The following KIAA0408 variants were observed in gnomAD, a reference collection of about 807,000 sequenced individuals.
The protein encoded by KIAA0408 is KIAA0408.
Under a neutral mutation model 60.9 loss-of-function variants are expected in KIAA0408, and 51 were observed. That is an observed-to-expected ratio of 0.84 (90% CI 0.67 to 1.06). KIAA0408 has a LOEUF of 1.06. KIAA0408 is among the 50% of genes least tolerant of loss of function. KIAA0408 has a pLI of 0.00. For synonymous variants in KIAA0408, 304 were observed against 282.4 expected (o/e 1.08, Z -0.77); for missense variants, 787 against 833.9 (o/e 0.94, Z 0.69).
chr6:127,454,364 A>T (rs1294229419), intron 1 of KIAA0408: 3 of 162,348 alleles, frequency 1.8e-5, no homozygotes, highest in Non-Finnish European at 4.0e-5. Flanking sequence ...AGATGTAATC[A>T]TCCCTTTAAC....
At chr6:127,454,211 A>G (rs1773351581) in intron 1 of KIAA0408, 110 bp from the exon 2 acceptor site, 7 of 1,070,032 alleles carry the variant, frequency 6.5e-6, no homozygotes, top group Non-Finnish European at 5.9e-6. Flanking sequence ...AATTGGACTC[A>G]AAAGAAAAGA....
At chr6:127,454,957 C>T (rs761203796) in intron 1 of KIAA0408, among the ~76,000 whole-genome samples, 10 of 151,958 alleles carry the variant, frequency 6.6e-5, no homozygotes, top group Non-Finnish European at 1.5e-4. Flanking sequence ...AGCTATGTAA[C>T]TGGTATAAGT....
In KIAA0408 at chr6:127,444,230, C is replaced by CT. The variant is rs1171735271; in HGVS notation, c.1963dup (p.Arg655LysfsTer79). The CT allele has an allele frequency of 1.9e-6, 3 of 1,611,776 alleles. No individual in the cohort carries two copies. In the African/African-American group the frequency reaches 4.0e-5, roughly 22 times the overall value. On this transcript the variant is annotated frameshift_variant, in exon 6 of 6. Transcript: ENST00000483725. LOFTEE classifies it high-confidence loss of function. ...GGAGGGGAGACGACGATTTGCTGGT[C>CT]TAGCAGGTCGGGAAAATCCTTTTCC...
In KIAA0408 at chr6:127,440,754, A is replaced by T. The variant is rs1040715949; in HGVS notation, c.*3355T>A. Reference sequence around the variant, plus strand: ...ATTTTATGATGTAAATGCAAATCTTAGAAGTAAAAACTTTTTTCAAAGAAG... The same window carrying T: ...ATTTTATGATGTAAATGCAAATCTTTGAAGTAAAAACTTTTTTCAAAGAAG... On this transcript the variant is annotated 3_prime_UTR_variant, in exon 6 of 6. Coordinates refer to ENST00000483725, the MANE Select transcript of KIAA0408 (RefSeq NM_014702.5). 1.1e-4 allele frequency: 16 copies of T among 152,258 alleles called. No individual in the cohort carries two copies. The highest frequency in any genetic ancestry group is 3.9e-4 in the African/African-American group (16 of 41,466). 9.4% of individuals were successfully genotyped at this position (152,258 alleles called of 1,614,324 possible).
At position 127,447,368 on chromosome 6, in the gene KIAA0408, T is replaced by C; in HGVS notation, c.951A>G (p.Gln317=). Residue 317 remains glutamine, a synonymous_variant, in exon 5 of 6, where the codon CAA becomes CAG. Transcript: ENST00000483725. The part of the protein sequence containing the change: ...RNYNPHFPLR[Q]QEMSMLYPNE... ...TTGGATACAACATAGACATCTCTTGTTGTCTCAAAGGGAAGTGAGGGTTGT... is the reference window on the plus strand; with the variant it reads ...TTGGATACAACATAGACATCTCTTGCTGTCTCAAAGGGAAGTGAGGGTTGT... The C allele has an allele frequency of 6.2e-7, 1 of 1,612,266 alleles. No homozygotes were observed. The highest frequency in any genetic ancestry group is 1.3e-5 in the African/African-American group (1 of 74,896).
rs1166137960 is a variant in KIAA0408, at chr6:127,442,202, T to C, written c.*1907A>G. Reference sequence around the variant, plus strand: ...TCAGAAATTTCATTTTTTAAAGAGATCCTCAATATTCTAAGGAACCACAGA... The same window carrying C: ...TCAGAAATTTCATTTTTTAAAGAGACCCTCAATATTCTAAGGAACCACAGA... On this transcript the variant is annotated 3_prime_UTR_variant, in exon 6 of 6. Transcript: ENST00000483725. 1 of 152,206 alleles carries C rather than the reference T, an allele frequency of 6.6e-6. No individual in the cohort carries two copies. The highest frequency in any genetic ancestry group is 2.4e-5 in the African/African-American group (1 of 41,450). The allele number at this position is 152,206 out of a possible 1,614,324, so 9.4% of individuals were successfully genotyped here.
intron 1 of KIAA0408, 124 bp from the exon 2 acceptor site, chr6:127,454,225 G>A: frequency 1.1e-6 from 1 of 923,576 alleles, no homozygotes; most frequent in Non-Finnish European, 1.4e-6. Flanking sequence ...GAAAAGAGAT[G>A]ACAACAGTCT....
chr6:127,450,288 A>C lies in KIAA0408; in HGVS notation c.200T>G (p.Leu67Arg). Residue 67 changes from leucine (L) to arginine (R), a missense_variant, in exon 3 of 6, where the codon CTT becomes CGT. Coordinates refer to ENST00000483725, the MANE Select transcript of KIAA0408 (RefSeq NM_014702.5). The part of the protein sequence containing the change: ...NINESAKIID[L>R]YHEKTIPEKV... Reference sequence around the variant, plus strand: ...CTCTGGAATGGTCTTCTCATGGTAAAGATCAATGATCTTAGCACTTTCATT... The same window carrying C: ...CTCTGGAATGGTCTTCTCATGGTAACGATCAATGATCTTAGCACTTTCATT... The C allele has an allele frequency of 6.2e-7, 1 of 1,613,726 alleles. No homozygotes were observed. Among genetic ancestry groups the C allele is most frequent in the Non-Finnish European group, 8.5e-7 (1 of 1,179,940 alleles).
In KIAA0408 at chr6:127,446,727, C is replaced by T. The variant is rs747655022; in HGVS notation, c.1592G>A (p.Arg531His). Residue 531 changes from arginine to histidine, a missense_variant, in exon 5 of 6, where the codon CGC (arginine) becomes CAC (histidine). By Grantham distance (29) the Arg-to-His change is conservative. This residue lies in a region of KIAA0408 where 640 missense variants were observed against 681.3 expected (regional missense o/e 0.94). Transcript: ENST00000483725. ...VRQMQGHLSPRSYRNMLHEHD... is the reference protein window; with the variant it reads ...VRQMQGHLSPHSYRNMLHEHD... ...CTCGTGGAGCATATTTCGATAACTGCGAGGACTTAGGTGTCCCTGCATTTG... is the reference window on the plus strand; with the variant it reads ...CTCGTGGAGCATATTTCGATAACTGTGAGGACTTAGGTGTCCCTGCATTTG... 15 of 1,613,668 alleles carry T rather than the reference C, an allele frequency of 9.3e-6. No individual in the cohort carries two copies. Among genetic ancestry groups the T allele is most frequent in the Middle Eastern group, 1.6e-4 (1 of 6,080 alleles).
In KIAA0408 at chr6:127,441,908, A is replaced by G. The variant is rs1381935750; in HGVS notation, c.*2201T>C. ...ATAAGAAGACGTTAAAATGTGTCCC[A>G]CTGGTTCATTCAACTGTTAATAGAA... On this transcript the variant is annotated 3_prime_UTR_variant, in exon 6 of 6. Coordinates refer to ENST00000483725, the MANE Select transcript of KIAA0408 (RefSeq NM_014702.5). 6.6e-6 allele frequency: 1 copy of G among 152,120 alleles called. No homozygotes were observed. Among genetic ancestry groups the G allele is most frequent in the Non-Finnish European group, 1.5e-5 (1 of 68,006 alleles). The allele number at this position is 152,120 out of a possible 1,614,324, so 9.4% of individuals were successfully genotyped here.
In KIAA0408 at chr6:127,443,736, C is replaced by T. The variant is rs1239100944; in HGVS notation, c.*373G>A. The T allele has an allele frequency of 5.5e-6, 1 of 180,418 alleles. No homozygotes were observed. The highest frequency in any genetic ancestry group is 1.2e-5 in the Non-Finnish European group (1 of 85,002). 11.2% of individuals were successfully genotyped at this position (180,418 alleles called of 1,614,324 possible). A position where few individuals can be genotyped will look rare whatever the true frequency, so the allele number is the denominator to read the frequency against. On this transcript the variant is annotated 3_prime_UTR_variant, in exon 6 of 6. Coordinates refer to ENST00000483725, the MANE Select transcript of KIAA0408 (RefSeq NM_014702.5). ...ATACATGTTATAATTTCAAAGTCAA[C>T]ACTAGCACATAAGTTTTTCATATCT...
In KIAA0408 at chr6:127,446,737, G is replaced by T; in HGVS notation, c.1582C>A (p.Leu528Ile). ...TGLVRQMQGHLSPRSYRNMLH... is the reference protein window; with the variant it reads ...TGLVRQMQGHISPRSYRNMLH... ...ATATTTCGATAACTGCGAGGACTTA[G>T]GTGTCCCTGCATTTGTCTTACTAGG... The change falls in exon 5 of 6, where the codon CTA (leucine) becomes ATA (isoleucine). Residue 528 changes from leucine to isoleucine, a missense_variant. This residue lies in a region of KIAA0408 where 640 missense variants were observed against 681.3 expected (regional missense o/e 0.94). Transcript: ENST00000483725. The T allele has an allele frequency of 6.2e-7, 1 of 1,613,894 alleles. No homozygotes were observed. Among genetic ancestry groups the T allele is most frequent in the Non-Finnish European group, 8.5e-7 (1 of 1,179,996 alleles).
rs1773109699 is a variant in KIAA0408, at chr6:127,441,665, TA to T, written c.*2443del. ...TATTCTAGGGAAGAAAATGCCCACC[TA>T]AAGTAGAAATTTACCAGTTAAAAAT... is the stretch of plus-strand genomic sequence containing the variant. On this transcript the variant is annotated 3_prime_UTR_variant, in exon 6 of 6. Coordinates refer to ENST00000483725, the MANE Select transcript of KIAA0408 (RefSeq NM_014702.5). The T allele has an allele frequency of 6.6e-6, 1 of 152,328 alleles. No individual in the cohort carries two copies. Among genetic ancestry groups the T allele is most frequent in the South Asian group, 2.1e-4 (1 of 4,826 alleles). The allele number at this position is 152,328 out of a possible 1,614,324, so 9.4% of individuals were successfully genotyped here. A position where few individuals can be genotyped will look rare whatever the true frequency, so the allele number is the denominator to read the frequency against.
At chr6:127,453,461 T>G (rs1433350683) in intron 2 of KIAA0408, among the ~76,000 whole-genome samples, 1 of 152,068 alleles carries the variant, frequency 6.6e-6, no homozygotes, top group Admixed American at 6.6e-5. Flanking sequence ...AGGAAAGATC[T>G]ATGTTCTAAT....
chr6:127,452,305 G>C (rs1420353909), intron 2 of KIAA0408, among the ~76,000 whole-genome samples: 2 of 152,054 alleles, frequency 1.3e-5, no homozygotes, highest in Admixed American at 1.3e-4. Context: ...ATTTTTCCAA[G>C]TGTTGATTTC....
Position 127,447,160 on chromosome 6 carries a change from T to C in KIAA0408, c.1159A>G (p.Asn387Asp), listed in dbSNP as rs749710325. Residue 387 changes from asparagine (N) to aspartate (D), a missense_variant, in exon 5 of 6, where the codon AAT (asparagine) becomes GAT (aspartate). Asn to Asp is a conservative substitution (Grantham distance 23). Transcript: ENST00000483725. ...WFQKTCSTPSNPKYEMVIPDH... is the reference protein window; with the variant it reads ...WFQKTCSTPSDPKYEMVIPDH... The stretch of plus-strand genomic sequence containing the variant: ...GGGATCACCATTTCATATTTTGGAT[T>C]ACTGGGGGTAGAGCAGGTTTTCTGA... 1 of 1,613,414 alleles carries C rather than the reference T, an allele frequency of 6.2e-7. No individual in the cohort carries two copies. Among genetic ancestry groups the C allele is most frequent in the Non-Finnish European group, 8.5e-7 (1 of 1,179,806 alleles).
chr6:127,454,308 C>A, intron 1 of KIAA0408: 1 of 253,090 alleles, frequency 4.0e-6, no homozygotes, highest in Non-Finnish European at 6.6e-6. Flanking sequence ...CTTTCTGAGA[C>A]CAGACAGCAA....
In KIAA0408 at chr6:127,446,748, A is replaced by C. The variant is rs541088934; in HGVS notation, c.1571T>G (p.Met524Arg). 7 of 1,613,670 alleles carry C rather than the reference A, an allele frequency of 4.3e-6. No homozygotes were observed. The highest frequency in any genetic ancestry group is 5.9e-6 in the Non-Finnish European group (7 of 1,179,912). Residue 524 changes from methionine to arginine, a missense_variant, in exon 5 of 6, where the codon ATG becomes AGG. Transcript: ENST00000483725. ...KKSTTGLVRQ[M>R]QGHLSPRSYR... is the part of the protein sequence containing the mutation. ...ACTGCGAGGACTTAGGTGTCCCTGC[A>C]TTTGTCTTACTAGGCCTGTTGTGGA...
chr6:127,438,752 C>T lies in KIAA0408; in HGVS notation c.*5357G>A, dbSNP rs1773059655. The T allele has an allele frequency of 6.6e-6, 1 of 152,076 alleles. No homozygotes were observed. The highest frequency in any genetic ancestry group is 2.4e-5 in the African/African-American group (1 of 41,398). The allele number at this position is 152,076 out of a possible 1,614,324, so 9.4% of individuals were successfully genotyped here. A position where few individuals can be genotyped will look rare whatever the true frequency, so the allele number is the denominator to read the frequency against. On this transcript the variant is annotated 3_prime_UTR_variant, in exon 6 of 6. Transcript: ENST00000483725. The stretch of plus-strand genomic sequence containing the variant: ...TATAGCAAAAATATTGTATTATAAT[C>T]TTATCATCATATATGTGCATTGAAC...
Sources: allele counts gnomAD v4.1 joint callset (sites outside exome capture counted in the v4.1 genomes callset), GRCh38; gene constraint gnomAD v4.1.1; regional missense constraint gnomAD v4.1.1; transcripts MANE v1.5; gene names NCBI Gene and HGNC (gene_info 2026-07-23, HGNC 2026-07-21).